The following GABRA5 variants were observed in gnomAD, a reference collection of about 807,000 sequenced individuals.
The protein encoded by GABRA5 is gamma-aminobutyric acid type A receptor subunit alpha5, also known as gamma-aminobutyric acid receptor subunit alpha-5.
In GABRA5, 18 loss-of-function variants were observed where a neutral mutation model predicts 47.3. The observed-to-expected ratio is 0.38, with a 90% CI of 0.26 to 0.56. The LOEUF is 0.56. GABRA5 is among the 20% of genes least tolerant of loss of function. GABRA5 has a pLI of 0.71. For synonymous variants in GABRA5, 237 were observed against 229.3 expected, an observed-to-expected ratio of 1.03 and a Z score of -0.30; for missense variants, 365 against 599.3, an observed-to-expected ratio of 0.61 and a Z score of 4.08.
At chr15:26,890,630 C>T (rs1892983880) in intron 6 of GABRA5, among the ~76,000 whole-genome samples, 1 of 152,112 alleles carries the variant, frequency 6.6e-6, no homozygotes. Flanking sequence ...AAGACAGAGA[C>T]TTTGCACCAG....
chr15:26,880,900 G>T lies in GABRA5; in HGVS notation c.141G>T (p.Thr47=), dbSNP rs1025760792. Reference sequence around the variant, plus strand: ...AAGATGAGACCAATGACAACATCACGATATTTACCAGGATCTTGGATGGGC... The same window carrying T: ...AAGATGAGACCAATGACAACATCACTATATTTACCAGGATCTTGGATGGGC... ...SVKDETNDNI[T]IFTRILDGLL... is the part of the protein sequence containing the mutation. Residue 47 remains threonine, a synonymous_variant, in exon 4 of 11, where the codon ACG becomes ACT. Transcript: ENST00000335625. The T allele has an allele frequency of 2.5e-6, 4 of 1,613,842 alleles. No homozygotes were observed. The African/African-American group carries it at 4.0e-5, about 16-fold the overall frequency.
At chr15:26,876,137 G>A (rs1371069605) in intron 3 of GABRA5, among the ~76,000 whole-genome samples, 2 of 152,294 alleles carry the variant, frequency 1.3e-5, no homozygotes, top group Non-Finnish European at 2.9e-5. Flanking sequence ...GCCTATGATC[G>A]AGCTGGAGAG....
At position 26,947,901 on chromosome 15, in the gene GABRA5, G is replaced by A. The variant is rs1392669600; in HGVS notation, c.1090-33G>A. The A allele has an allele frequency of 3.3e-6, 5 of 1,535,962 alleles. No homozygotes were observed. The South Asian group carries it at 4.8e-5, about 15-fold the overall frequency. On this transcript the variant is annotated intron_variant, in intron 10 of 10. Coordinates refer to ENST00000335625, the MANE Select transcript of GABRA5 (RefSeq NM_000810.4). ...GGTGAGCTGACCATTGCCTGCAAATGGCGTGTCCTTACATTCGTATTATAT... is the reference window on the plus strand; with the variant it reads ...GGTGAGCTGACCATTGCCTGCAAATAGCGTGTCCTTACATTCGTATTATAT...
intron 9 of GABRA5, among the ~76,000 whole-genome samples, chr15:26,942,503 C>G (rs745453714): frequency 2.0e-5 from 3 of 152,206 alleles, no homozygotes; most frequent in Non-Finnish European, 4.4e-5. Context: ...TGCAGGGAGC[C>G]CTCTACTTCC....
At chr15:26,893,477 T>C (rs9744485) in intron 6 of GABRA5, among the ~76,000 whole-genome samples, 3,686 of 93,416 alleles carry the variant, frequency 0.039, 161 homozygotes, top group African/African-American at 0.12. Flanking sequence ...TGTGAAGTTA[T>C]GAGCAGGGCA....
intron 3 of GABRA5, 53 bp downstream of exon 3, chr15:26,869,387 T>C: frequency 9.2e-7 from 1 of 1,088,926 alleles, no homozygotes; most frequent in Non-Finnish European, 1.4e-6. Flanking sequence ...CTGGTGCCTT[T>C]CAGACATGTT....
rs1390072363 is a variant in GABRA5, at chr15:26,880,806, AAT to A, written c.87-37_87-36del. ...ATCTTGAGAAGAATTTGTAAGAAAT[AAT>A]ATGTTTTAACGCTTCCTCTTGTTTC... On this transcript the variant is annotated intron_variant, in intron 3 of 10. Transcript: ENST00000335625. 1.9e-6 allele frequency: 3 copies of A among 1,601,644 alleles called. No individual in the cohort carries two copies. The South Asian group carries it at 3.4e-5, about 18-fold the overall frequency.
At chr15:26,946,489 A>G (rs1355865286) in intron 10 of GABRA5, among the ~76,000 whole-genome samples, 3 of 149,190 alleles carry the variant, frequency 2.0e-5, no homozygotes, top group Non-Finnish European at 1.5e-5. Context: ...TGCATTTCCC[A>G]CTCCATATGT....
intron 3 of GABRA5, among the ~76,000 whole-genome samples, chr15:26,870,233 A>C (rs1158443406): frequency 2.0e-5 from 3 of 152,220 alleles, no homozygotes; most frequent in Admixed American, 1.3e-4. Flanking sequence ...AACAGCCTGT[A>C]GACAGCCTTC....
chr15:26,893,171 ATGTGGTG>A (rs1893058314), intron 6 of GABRA5, among the ~76,000 whole-genome samples: 1 of 72,786 alleles, frequency 1.4e-5, no homozygotes, highest in Non-Finnish European at 3.0e-5. Flanking sequence ...TGGGGTGTGT[ATGTGGTG>A]TGTGGTGTGT....
At chr15:26,888,079 G>T (rs893653509) in intron 6 of GABRA5, among the ~76,000 whole-genome samples, 1 of 152,154 alleles carries the variant, frequency 6.6e-6, no homozygotes, top group Non-Finnish European at 1.5e-5. Context: ...TTACATAAGA[G>T]ATTCAAAAAA....
intron 6 of GABRA5, among the ~76,000 whole-genome samples, chr15:26,889,362 G>C (rs1892950359): frequency 6.6e-6 from 1 of 151,356 alleles, no homozygotes; most frequent in Non-Finnish European, 1.5e-5. Context: ...TAATCTCCTA[G>C]AGCCACTGTC....
rs773898575 is a variant in GABRA5 at position 26,883,250 on chromosome 15, G to A, written c.276+17G>A. 1 of 1,613,582 alleles carries A rather than the reference G, an allele frequency of 6.2e-7. No homozygotes were observed. Among genetic ancestry groups the A allele is most frequent in the South Asian group, 1.1e-5 (1 of 91,082 alleles). On this transcript the variant is annotated intron_variant, in intron 5 of 10. Coordinates refer to ENST00000335625, the MANE Select transcript of GABRA5 (RefSeq NM_000810.4). The surrounding 1 kb of genome is among the most constrained non-coding windows in gnomAD (Gnocchi z 4.8). Reference sequence around the variant, plus strand: ...ACGGAAATGGTAGGTCCCGGGGCATGGCTGGGCAGACAATTCTTACTCCGC... The same window carrying A: ...ACGGAAATGGTAGGTCCCGGGGCATAGCTGGGCAGACAATTCTTACTCCGC...
At position 26,883,215 on chromosome 15, in the gene GABRA5, G is replaced by A. The variant is rs371808831; in HGVS notation, c.258G>A (p.Pro86=). ...ACATCTACGTCACCAGCTTCGGCCCGGTGTCCGACACGGAAATGGTAGGTC... is the reference window on the plus strand; with the variant it reads ...ACATCTACGTCACCAGCTTCGGCCCAGTGTCCGACACGGAAATGGTAGGTC... ...RTDIYVTSFG[P]VSDTEMEYTI... is the part of the protein sequence containing the mutation. Residue 86 remains proline (P), a synonymous_variant, in exon 5 of 11, where the codon CCG becomes CCA. Coordinates refer to ENST00000335625, the MANE Select transcript of GABRA5 (RefSeq NM_000810.4). This position sits in a 1 kb window ranked among gnomAD's most constrained non-coding sequence, Gnocchi z 4.8. The A allele has an allele frequency of 1.9e-6, 3 of 1,613,872 alleles. No homozygotes were observed. Among genetic ancestry groups the A allele is most frequent in the Non-Finnish European group, 1.7e-6 (2 of 1,179,822 alleles).
chr15:26,934,723 C>T (rs147794460), intron 7 of GABRA5, among the ~76,000 whole-genome samples: 89 of 152,288 alleles, frequency 5.8e-4, no homozygotes, highest in African/African-American at 1.9e-3. Flanking sequence ...CAAGTCCACC[C>T]TGGTAGTGAG....
At chr15:26,947,282 G>A (rs1209397547) in intron 10 of GABRA5, among the ~76,000 whole-genome samples, 1 of 152,120 alleles carries the variant, frequency 6.6e-6, no homozygotes, top group African/African-American at 2.4e-5. Flanking sequence ...CATGTCATGG[G>A]AGTTTGTTAT....
At chr15:26,938,819 T>G (rs1247806268) in intron 8 of GABRA5, among the ~76,000 whole-genome samples, 1 of 152,256 alleles carries the variant, frequency 6.6e-6, no homozygotes, top group African/African-American at 2.4e-5. Flanking sequence ...GTGATTGCTA[T>G]GGTTCCTTCG....
intron 6 of GABRA5, among the ~76,000 whole-genome samples, chr15:26,903,462 G>A (rs550432238): frequency 6.6e-6 from 1 of 152,206 alleles, no homozygotes; most frequent in African/African-American, 2.4e-5. Flanking sequence ...ATTCCTCTGA[G>A]TATATACTCA....
At chr15:26,918,129 A>AGTT (rs1893759953) in intron 7 of GABRA5, among the ~76,000 whole-genome samples, 2 of 151,768 alleles carry the variant, frequency 1.3e-5, no homozygotes, top group Admixed American at 6.6e-5. Context: ...TTCCCGAAGG[A>AGTT]GTTAGGTTGT....
Sources: gnomAD v4.1 joint callset for allele counts (sites outside exome capture counted in the v4.1 genomes callset) on GRCh38, gnomAD v4.1.1 for gene constraint, Gnocchi (gnomAD v3.1) non-coding constraint, MANE v1.5 for transcripts, NCBI Gene and HGNC (gene_info 2026-07-23, HGNC 2026-07-21) for gene names.